Variants in FSTL4 observed in about 807,000 individuals in gnomAD.
The protein encoded by FSTL4 is follistatin like 4.
In FSTL4, 28 loss-of-function variants were observed where a neutral mutation model predicts 78.2. The ratio of observed to expected loss-of-function variants is 0.36; its 90% confidence interval spans 0.27 to 0.49. The LOEUF is 0.49. Ranked by LOEUF, FSTL4 falls within the 20% of genes least tolerant of loss-of-function variation. FSTL4 has a pLI of 0.98. For missense variants in FSTL4, 922 were observed against 1,084.9 expected (o/e 0.85, Z 2.11); for synonymous variants, 422 against 440.5 (o/e 0.96, Z 0.53).
intron 3 of FSTL4, among the ~76,000 whole-genome samples, chr5:133,424,270 G>C (rs1158784851): frequency 6.6e-6 from 1 of 152,212 alleles, no homozygotes; most frequent in Non-Finnish European, 1.5e-5. Context: ...CCAGACCCGT[G>C]AACAGTGCAG....
At chr5:133,551,613 ACAC>A (rs1459568251) in intron 3 of FSTL4, among the ~76,000 whole-genome samples, 12 of 152,370 alleles carry the variant, frequency 7.9e-5, no homozygotes, top group Non-Finnish European at 1.5e-4. Context: ...CTCAGAGAAC[ACAC>A]CACATTTATT....
At chr5:133,507,010 C>A (rs1758624059) in intron 3 of FSTL4, among the ~76,000 whole-genome samples, 1 of 152,128 alleles carries the variant, frequency 6.6e-6, no homozygotes, top group African/African-American at 2.4e-5. Flanking sequence ...GAGTTCCAGA[C>A]CAGCCTGGCC....
chr5:133,368,440 C>G (rs1311229493), intron 4 of FSTL4, among the ~76,000 whole-genome samples: 2 of 152,252 alleles, frequency 1.3e-5, no homozygotes, highest in East Asian at 3.8e-4. Context: ...TGCCCCTCTT[C>G]CCTCTGTTGA....
chr5:133,666,152 G>A, the FSTL4 span, among the ~76,000 whole-genome samples: 1 of 151,334 alleles, frequency 6.6e-6, no homozygotes, highest in Non-Finnish European at 1.5e-5. Context: ...ATCTGCACAC[G>A]AACCTGCCAA....
At chr5:133,546,239 G>C (rs1451460123) in intron 3 of FSTL4, among the ~76,000 whole-genome samples, 6 of 152,150 alleles carry the variant, frequency 3.9e-5, no homozygotes, top group Admixed American at 3.3e-4. Context: ...GGATGCAGTG[G>C]TTCATGCCTG....
chr5:133,481,677 C>A (rs1421778114), intron 3 of FSTL4, among the ~76,000 whole-genome samples: 1 of 152,066 alleles, frequency 6.6e-6, no homozygotes, highest in Non-Finnish European at 1.5e-5. Flanking sequence ...ATGTGCCAGG[C>A]TCTGGACCAC....
In FSTL4 at chr5:133,507,080, T is replaced by G. The variant is rs566497435; in HGVS notation, c.160+60106A>C. ...AAAATTCGCTGGGCATGGTGGCACA[T>G]GCCTGTAATCCCAGCTGCTTGGGAG... On this transcript the variant is annotated intron_variant, in intron 3 of 15. Coordinates refer to ENST00000265342, the MANE Select transcript of FSTL4 (RefSeq NM_015082.2). Among the ~76,000 whole-genome samples the G allele has an allele frequency of 2.4e-3, 365 of 152,226 alleles. 1 individual carries two copies. The highest frequency in any genetic ancestry group is 4.2e-3 in the Non-Finnish European group (287 of 68,008).
chr5:133,685,177 C>T, the FSTL4 span, among the ~76,000 whole-genome samples: 1 of 152,168 alleles, frequency 6.6e-6, no homozygotes, highest in Non-Finnish European at 1.5e-5. Context: ...CTTTCAGGAG[C>T]CTGCCCCTGG....
chr5:133,641,281 C>CCAT, the FSTL4 span, among the ~76,000 whole-genome samples: 1 of 151,846 alleles, frequency 6.6e-6, no homozygotes, highest in Non-Finnish European at 1.5e-5. Flanking sequence ...AAAAAAAACA[C>CCAT]GTACTGATTC....
the FSTL4 span, among the ~76,000 whole-genome samples, chr5:133,797,678 A>G: frequency 1.8e-3 from 273 of 152,258 alleles, 1 homozygote; most frequent in Non-Finnish European, 3.4e-3. Flanking sequence ...TTAGGATTCC[A>G]TTTTTAATTT....
chr5:133,832,785 C>T, the FSTL4 span, among the ~76,000 whole-genome samples: 2 of 152,306 alleles, frequency 1.3e-5, no homozygotes, highest in East Asian at 1.9e-4. Flanking sequence ...AAAAGCCAGA[C>T]ATACATTAAG....
the FSTL4 span, among the ~76,000 whole-genome samples, chr5:133,661,953 G>A: frequency 6.6e-6 from 1 of 152,172 alleles, no homozygotes; most frequent in Non-Finnish European, 1.5e-5. Context: ...TCCTATCAGA[G>A]AAGCATATGC....
chr5:133,704,865 C>G, the FSTL4 span, among the ~76,000 whole-genome samples: 4 of 152,226 alleles, frequency 2.6e-5, no homozygotes, highest in Non-Finnish European at 4.4e-5. Context: ...CACTACTGCT[C>G]TAAGATGCGA....
intron 3 of FSTL4, among the ~76,000 whole-genome samples, chr5:133,529,252 T>G (rs1042574980): frequency 6.6e-6 from 1 of 152,228 alleles, no homozygotes; most frequent in African/African-American, 2.4e-5. Flanking sequence ...TCAGAAAAGA[T>G]AAATGACTTG....
At chr5:133,837,224 T>C in the FSTL4 span, among the ~76,000 whole-genome samples, 3 of 152,066 alleles carry the variant, frequency 2.0e-5, no homozygotes, top group Admixed American at 2.0e-4. Flanking sequence ...TAAATCCCTC[T>C]ATTGAAGTCT....
chr5:133,417,969 A>T (rs1166356984), intron 3 of FSTL4, among the ~76,000 whole-genome samples: 4 of 126,718 alleles, frequency 3.2e-5, no homozygotes, highest in Non-Finnish European at 6.8e-5. Context: ...AAAAAAAAAA[A>T]AAAAAAAAAA....
the FSTL4 span, among the ~76,000 whole-genome samples, chr5:133,682,669 C>T: frequency 2.0e-5 from 3 of 152,354 alleles, no homozygotes; most frequent in East Asian, 5.8e-4. Flanking sequence ...ATGGCTATGG[C>T]CACAGAGCAG....
rs570610928 is a variant in FSTL4, at chr5:133,547,421, T to C, written c.160+19765A>G. Among the ~76,000 whole-genome samples the C allele has an allele frequency of 3.9e-3, 597 of 152,298 alleles. 3 individuals carry two copies. Among genetic ancestry groups the C allele is most frequent in the African/African-American group, 0.013 (534 of 41,550 alleles). On this transcript the variant is annotated intron_variant, in intron 3 of 15. Coordinates refer to ENST00000265342, the MANE Select transcript of FSTL4 (RefSeq NM_015082.2). Reference sequence around the variant, plus strand: ...TAGAATGGAATAATTGTATTTTGCATTGTGAGAAGAACATGAAATTCTGGG... The same window carrying C: ...TAGAATGGAATAATTGTATTTTGCACTGTGAGAAGAACATGAAATTCTGGG...
intron 1 of FSTL4, among the ~76,000 whole-genome samples, chr5:133,607,376 T>C (rs927687887): frequency 3.3e-5 from 5 of 152,184 alleles, no homozygotes; most frequent in Non-Finnish European, 5.9e-5. Flanking sequence ...TTAACACTTA[T>C]ATAGCAATTA....
Sources: allele counts gnomAD v4.1 joint callset (sites outside exome capture counted in the v4.1 genomes callset), GRCh38; gene constraint gnomAD v4.1.1; transcripts MANE v1.5; gene names NCBI Gene and HGNC (gene_info 2026-07-23, HGNC 2026-07-21).